CSMD1: variants seen among roughly 807,000 people sequenced by gnomAD.
The protein encoded by CSMD1 is CUB and sushi domain-containing protein 1.
In CSMD1, 213 loss-of-function variants were observed where a neutral mutation model predicts 417.5. The observed-to-expected ratio is 0.51, with a 90% confidence interval of 0.46 to 0.57. CSMD1 has a LOEUF of 0.57. CSMD1 is among the 20% of genes least tolerant of loss of function. CSMD1 has a pLI of 0.00. For missense variants in CSMD1, 6,923 were observed against 4,529.7 expected (o/e 1.53, Z -15.17); for synonymous variants, 2,862 against 1,736.8 (o/e 1.65, Z -16.11).
chr8:4,022,138 A>C (rs1045686768), intron 4 of CSMD1, among the ~76,000 whole-genome samples: 7 of 146,278 alleles, frequency 4.8e-5, no homozygotes, highest in Non-Finnish European at 8.9e-5. Context: ...ATATACATAA[A>C]TATGTATATA....
intron 3 of CSMD1, among the ~76,000 whole-genome samples, chr8:4,410,966 A>T (rs1235080116): frequency 6.6e-6 from 1 of 152,124 alleles, no homozygotes; most frequent in African/African-American, 2.4e-5. Context: ...TAGTTATTGA[A>T]ACAGTGGATT....
intron 2 of CSMD1, among the ~76,000 whole-genome samples, chr8:4,451,687 A>T (rs75289745): frequency 0.11 from 17,462 of 152,046 alleles, 1,294 homozygotes; most frequent in South Asian, 0.21. Context: ...TGACCATGAA[A>T]TATCAGTTCT....
At chr8:3,440,443 G>A (rs192373307) in intron 12 of CSMD1, among the ~76,000 whole-genome samples, 5 of 152,212 alleles carry the variant, frequency 3.3e-5, no homozygotes, top group South Asian at 2.1e-4. Context: ...GGGTGTTCAC[G>A]TGTTCATATT....
chr8:2,963,596 G>A (rs970445841), intron 59 of CSMD1, among the ~76,000 whole-genome samples: 2 of 151,962 alleles, frequency 1.3e-5, no homozygotes, highest in African/African-American at 4.8e-5. Flanking sequence ...CATTAATATC[G>A]ATGAAGTCTA....
chr8:4,229,443 C>T (rs760077960), intron 3 of CSMD1, among the ~76,000 whole-genome samples: 4 of 152,194 alleles, frequency 2.6e-5, no homozygotes, highest in Non-Finnish European at 4.4e-5. Flanking sequence ...TTTTCAACAA[C>T]CTTACAGAAG....
intron 12 of CSMD1, among the ~76,000 whole-genome samples, chr8:3,460,032 G>C (rs1273332770): frequency 1.3e-5 from 2 of 152,198 alleles, no homozygotes; most frequent in Non-Finnish European, 2.9e-5. Context: ...CTGCACAGCT[G>C]CACAGGTGTG....
At chr8:4,748,527 G>C (rs79364625) in intron 1 of CSMD1, among the ~76,000 whole-genome samples, 5 of 152,130 alleles carry the variant, frequency 3.3e-5, no homozygotes, top group Non-Finnish European at 7.4e-5. Context: ...GTAACTGTTC[G>C]TGAAACGGTA....
chr8:4,435,743 T>C (rs1052452775), intron 2 of CSMD1, among the ~76,000 whole-genome samples: 4 of 152,154 alleles, frequency 2.6e-5, no homozygotes, highest in Non-Finnish European at 4.4e-5. Flanking sequence ...GTCTTGGCCA[T>C]GTGGCTACAA....
At chr8:3,671,230 G>A (rs1055722999) in intron 7 of CSMD1, among the ~76,000 whole-genome samples, 3 of 144,382 alleles carry the variant, frequency 2.1e-5, no homozygotes, top group Non-Finnish European at 4.6e-5. Flanking sequence ...GTATGTATAT[G>A]GGATATATAT....
intron 1 of CSMD1, among the ~76,000 whole-genome samples, chr8:4,964,042 T>C (rs1290231405): frequency 1.3e-5 from 2 of 152,216 alleles, no homozygotes; most frequent in Admixed American, 6.5e-5. Context: ...ATTATCTTGA[T>C]AGCTGGGTGA....
intron 3 of CSMD1, among the ~76,000 whole-genome samples, chr8:4,323,993 G>A (rs1171838369): frequency 6.6e-6 from 1 of 152,170 alleles, no homozygotes; most frequent in Non-Finnish European, 1.5e-5. Flanking sequence ...ACTTCACTGT[G>A]ATCCTGGGAA....
chr8:4,916,659 A>G (rs2117118308), intron 1 of CSMD1, among the ~76,000 whole-genome samples: 1 of 152,344 alleles, frequency 6.6e-6, no homozygotes, highest in East Asian at 1.9e-4. Context: ...CTTTACACAA[A>G]GAGTCTAGGC....
chr8:4,033,987 C>G (rs1386328775), intron 3 of CSMD1, among the ~76,000 whole-genome samples: 1 of 152,264 alleles, frequency 6.6e-6, no homozygotes, highest in East Asian at 1.9e-4. Context: ...ATGAAACTTA[C>G]TAGTAGAGAA....
chr8:3,396,537 G>A (rs1187578634), intron 16 of CSMD1, among the ~76,000 whole-genome samples, 156 bp from the exon 17 acceptor site: 4 of 152,098 alleles, frequency 2.6e-5, no homozygotes, highest in Non-Finnish European at 5.9e-5. Context: ...ACAAATATAA[G>A]GATAGTATGT....
chr8:4,126,850 G>C (rs1209535967), intron 3 of CSMD1, among the ~76,000 whole-genome samples: 1 of 152,072 alleles, frequency 6.6e-6, no homozygotes, highest in Non-Finnish European at 1.5e-5. Context: ...AGTGGATGTT[G>C]GCAAAGATCA....
chr8:4,606,123 C>T (rs2130778301), intron 2 of CSMD1, among the ~76,000 whole-genome samples: 1 of 152,278 alleles, frequency 6.6e-6, no homozygotes, highest in South Asian at 2.1e-4. Context: ...AAATGACTTG[C>T]AGGATTAATT....
intron 8 of CSMD1, among the ~76,000 whole-genome samples, chr8:3,600,116 ATTAAT>A (rs2117074408): frequency 6.6e-6 from 1 of 152,298 alleles, no homozygotes; most frequent in African/African-American, 2.4e-5. Flanking sequence ...AGAGCGAGGA[ATTAAT>A]TTAAGACACA....
intron 3 of CSMD1, among the ~76,000 whole-genome samples, chr8:4,326,168 G>A (rs1799553421): frequency 6.6e-6 from 1 of 152,122 alleles, no homozygotes; most frequent in Non-Finnish European, 1.5e-5. Flanking sequence ...AGAGAATTTG[G>A]CTTTCTAACA....
At chr8:3,353,051 C>G (rs1251411047) in intron 21 of CSMD1, among the ~76,000 whole-genome samples, 1 of 152,168 alleles carries the variant, frequency 6.6e-6, no homozygotes, top group Non-Finnish European at 1.5e-5. Context: ...CCCAGGCAAT[C>G]TGTTATCAGA....
Sources: gnomAD v4.1 joint callset for allele counts (sites outside exome capture counted in the v4.1 genomes callset) on GRCh38, gnomAD v4.1.1 for gene constraint, MANE v1.5 for transcripts, NCBI Gene and HGNC (gene_info 2026-07-23, HGNC 2026-07-21) for gene names.